The following SLC9A7 variants were observed in gnomAD, a reference collection of about 807,000 sequenced individuals.
SLC9A7 encodes the protein sodium/hydrogen exchanger 7.
Under a neutral mutation model 52.6 loss-of-function variants are expected in SLC9A7, and 19 were observed. The ratio of observed to expected loss-of-function variants is 0.36; its 90% CI spans 0.25 to 0.53. SLC9A7 has a LOEUF of 0.53. SLC9A7 is among the 20% of genes least tolerant of loss of function. The probability of loss-of-function intolerance (pLI) is 0.91; values close to 1 mark genes in which losing one functional copy is unlikely to be tolerated. For synonymous variants in SLC9A7, 226 were observed against 252.1 expected, an observed-to-expected ratio of 0.90 and a Z score of 0.98; for missense variants, 455 against 597.9, an observed-to-expected ratio of 0.76 and a Z score of 2.49.
At position 46,602,675 on chromosome X, in the gene SLC9A7, G is replaced by A. The variant is rs760015161; in HGVS notation, c.*4277C>T. On this transcript the variant is annotated 3_prime_UTR_variant, in exon 17 of 17. Transcript: ENST00000616978. The stretch of plus-strand genomic sequence containing the variant: ...GTCCCCACCAACCCAGAACAAATAC[G>A]TGTATAAGATGGACTTGGGTTTACT... 4.4e-5 allele frequency: 5 copies of A among 112,755 alleles called. No individual in the cohort carries two copies. In the South Asian group the frequency reaches 1.8e-3, roughly 41 times the overall value. 9.3% of individuals were successfully genotyped at this position (112,755 alleles called of 1,213,427 possible). A position where few individuals can be genotyped will look rare whatever the true frequency, so the allele number is the denominator to read the frequency against.
intron 15 of SLC9A7, among the ~76,000 whole-genome samples, chrX:46,616,188 G>T (rs1455997720): frequency 9.4e-6 from 1 of 106,316 alleles, no homozygotes; most frequent in Non-Finnish European, 1.9e-5. Flanking sequence ...AATTAGCAGG[G>T]TGTGGTGACA....
chrX:46,750,589 A>G (rs981411566), intron 1 of SLC9A7, among the ~76,000 whole-genome samples: 2 of 111,426 alleles, frequency 1.8e-5, no homozygotes, highest in African/African-American at 3.3e-5. Flanking sequence ...GGCTCAAGCA[A>G]TCCTCCCGCT....
intron 1 of SLC9A7, among the ~76,000 whole-genome samples, chrX:46,738,632 T>A (rs1295102122): frequency 9.1e-6 from 1 of 109,998 alleles, no homozygotes; most frequent in Non-Finnish European, 1.9e-5. Context: ...TAGCCAGGTG[T>A]GGTGGCACGT....
rs148076956 is a variant in SLC9A7, at chrX:46,668,896, G to A, written c.793+711C>T. On this transcript the variant is annotated intron_variant, in intron 5 of 16. Transcript: ENST00000616978. Reference sequence around the variant, plus strand: ...GAAATTGTTAAGATAGGCTGGGCACGGTGGCTCACACCTGTAATCCCAGCA... The same window carrying A: ...GAAATTGTTAAGATAGGCTGGGCACAGTGGCTCACACCTGTAATCCCAGCA... 3.6e-3 allele frequency among the ~76,000 whole-genome samples: 402 copies of A among 111,593 alleles called. 5 individuals are homozygous for A. The highest frequency in any genetic ancestry group is 0.013 in the East Asian group (48 of 3,556).
At chrX:46,694,132 C>A (rs1388155946) in intron 1 of SLC9A7, among the ~76,000 whole-genome samples, 1 of 108,550 alleles carries the variant, frequency 9.2e-6, no homozygotes, top group African/African-American at 3.4e-5. Context: ...TGTAACAAAC[C>A]TACACATGTA....
chrX:46,619,884 G>C (rs1278617683), intron 15 of SLC9A7, among the ~76,000 whole-genome samples: 1 of 110,987 alleles, frequency 9.0e-6, no homozygotes, highest in Non-Finnish European at 1.9e-5. Flanking sequence ...TGATCCACCT[G>C]CCTTGGCCTC....
intron 1 of SLC9A7, among the ~76,000 whole-genome samples, chrX:46,734,965 C>T (rs73200276): frequency 0.11 from 12,359 of 111,298 alleles, 737 homozygotes; most frequent in Non-Finnish European, 0.17. Context: ...TAAATGAAAC[C>T]GCACAGTGGC....
At position 46,662,545 on chromosome X, in the gene SLC9A7, G is replaced by A. The variant is rs1602197810; in HGVS notation, c.892C>T (p.Leu298=). ...SVLNDAVAIV[L]SSSIVAYQPA... Reference sequence around the variant, plus strand: ...AGAAACACTGCTACTTACGAGGACAGTACAATGGCAACAGCATCATTTAGG... The same window carrying A: ...AGAAACACTGCTACTTACGAGGACAATACAATGGCAACAGCATCATTTAGG... Residue 298 remains leucine (L), a synonymous_variant, in exon 6 of 17, where the codon CTG becomes TTG. Transcript: ENST00000616978. 2 of 1,201,128 alleles carry A rather than the reference G, an allele frequency of 1.7e-6. No individual in the cohort carries two copies. The highest frequency in any genetic ancestry group is 2.2e-5 in the Admixed American group (1 of 45,720).
At chrX:46,662,462 G>C in intron 6 of SLC9A7, 76 bp downstream of exon 6, 1 of 727,541 alleles carries the variant, frequency 1.4e-6, no homozygotes, top group Non-Finnish European at 2.1e-6. Flanking sequence ...ATACATTTAA[G>C]ATAAGCCTCT....
chrX:46,700,954 G>T (rs1341428972), intron 1 of SLC9A7, among the ~76,000 whole-genome samples: 3 of 111,243 alleles, frequency 2.7e-5, no homozygotes, highest in African/African-American at 9.8e-5. Context: ...GAGCTTTTTT[G>T]ATCTTCCAAA....
intron 1 of SLC9A7, among the ~76,000 whole-genome samples, chrX:46,685,925 T>C (rs146285717): frequency 0.012 from 1,397 of 111,845 alleles, 28 homozygotes; most frequent in African/African-American, 0.043. Flanking sequence ...ACCTGCTTCA[T>C]GTAACTCATT....
chrX:46,651,070 G>T, intron 10 of SLC9A7, 40 bp downstream of exon 10: 2 of 884,504 alleles, frequency 2.3e-6, no homozygotes, highest in Non-Finnish European at 3.3e-6. Context: ...AACAGTGGTC[G>T]TCTCTGCATG....
At chrX:46,621,634 A>G (rs1943048659) in intron 14 of SLC9A7, among the ~76,000 whole-genome samples, 1 of 111,579 alleles carries the variant, frequency 9.0e-6, no homozygotes, top group Admixed American at 9.5e-5. Context: ...GCTCGAACTA[A>G]CAATTCTGTT....
chrX:46,695,616 G>C (rs1944438412), intron 1 of SLC9A7, among the ~76,000 whole-genome samples: 1 of 111,730 alleles, frequency 9.0e-6, no homozygotes. Flanking sequence ...CCAAGGCTTT[G>C]TAGTCCCACT....
chrX:46,682,668 A>T lies in SLC9A7; in HGVS notation c.326-133T>A, dbSNP rs1486926751. ...AAACTGGGCATGGGGTATGTATTTT[A>T]GGAGAAACTGCATGGGCCTTCAGGA... On this transcript the variant is annotated intron_variant, in intron 1 of 16. Coordinates refer to ENST00000616978, the MANE Select transcript of SLC9A7 (RefSeq NM_001257291.2). 7.2e-6 allele frequency: 4 copies of T among 554,293 alleles called. No homozygotes were observed. In the African/African-American group the frequency reaches 9.3e-5, roughly 13 times the overall value. The allele number at this position is 554,293 out of a possible 1,213,427, so 45.7% of individuals were successfully genotyped here. A position where few individuals can be genotyped will look rare whatever the true frequency, so the allele number is the denominator to read the frequency against.
At chrX:46,723,945 T>C (rs775584944) in intron 1 of SLC9A7, among the ~76,000 whole-genome samples, 24 of 109,631 alleles carry the variant, frequency 2.2e-4, no homozygotes, top group Non-Finnish European at 3.0e-4. Flanking sequence ...AAAAAAAAAA[T>C]AGCTGGGCGT....
chrX:46,674,331 C>G (rs888010838), intron 3 of SLC9A7, among the ~76,000 whole-genome samples: 1 of 112,459 alleles, frequency 8.9e-6, no homozygotes, highest in African/African-American at 3.2e-5. Context: ...TATTACCCAT[C>G]TCCCGTTCAT....
At chrX:46,655,411 C>T (rs1048289757) in intron 7 of SLC9A7, among the ~76,000 whole-genome samples, 8 of 112,242 alleles carry the variant, frequency 7.1e-5, no homozygotes, top group African/African-American at 2.6e-4. Context: ...CAGCTCCCAG[C>T]GTGAGCAACG....
At chrX:46,627,333 A>C (rs1943147018) in intron 14 of SLC9A7, among the ~76,000 whole-genome samples, 1 of 111,140 alleles carries the variant, frequency 9.0e-6, no homozygotes, top group South Asian at 3.8e-4. Context: ...CAAAAAAAAA[A>C]CCAGAGTCAA....
Sources: gnomAD v4.1 joint callset for allele counts (sites outside exome capture counted in the v4.1 genomes callset) on GRCh38, gnomAD v4.1.1 for gene constraint, MANE v1.5 for transcripts, NCBI Gene and HGNC (gene_info 2026-07-23, HGNC 2026-07-21) for gene names.